NTRK1: variants seen among roughly 807,000 people sequenced by gnomAD.
NTRK1 encodes neurotrophic receptor tyrosine kinase 1.
NTRK1 carries 62 observed loss-of-function variants against 86.8 expected under a neutral mutation model. That is an observed-to-expected ratio of 0.71 (90% CI 0.58 to 0.88). The LOEUF (loss-of-function observed/expected upper bound fraction) is 0.88. NTRK1 is among the 40% of genes least tolerant of loss of function. The pLI, the probability that NTRK1 is intolerant of heterozygous loss-of-function variation, is 0.00. For synonymous variants in NTRK1, 469 were observed against 456.6 expected (o/e 1.03, Z -0.35); for missense variants, 967 against 1,078.4 (o/e 0.90, Z 1.45).
At chr1:156,829,624 A>AC (rs1385997748) in intron 1 of NTRK1, among the ~76,000 whole-genome samples, 3 of 149,942 alleles carry the variant, frequency 2.0e-5, no homozygotes, top group African/African-American at 4.9e-5. Context: ...TCAAGTATCC[A>AC]CCCCCCAGAC....
intron 2 of NTRK1, chr1:156,849,269 C>CG: frequency 6.2e-7 from 1 of 1,613,830 alleles, no homozygotes; most frequent in Non-Finnish European, 8.5e-7. Flanking sequence ...TCCGTTGGTG[C>CG]GGGGGTTGAT....
chr1:156,849,093 T>C, intron 2 of NTRK1: 1 of 1,602,648 alleles, frequency 6.2e-7, no homozygotes, highest in Non-Finnish European at 8.5e-7. Flanking sequence ...TGCCAGCTGC[T>C]TGAGCGCCCA....
Position 156,844,168 on chromosome 1 carries a change from T to C in NTRK1, c.50+1975T>C, listed in dbSNP as rs745658294. 5.6e-6 allele frequency: 9 copies of C among 1,607,802 alleles called. No homozygotes were observed. The East Asian group carries it at 1.6e-4, about 28-fold the overall frequency. On this transcript the variant is annotated intron_variant, in intron 2 of 16. Coordinates refer to the NTRK1 transcript ENST00000392302. The stretch of plus-strand genomic sequence containing the variant: ...AGGGGGTGGGGACCGGTGGGACTTA[T>C]CATCACCTCTTCTTGCCGTAGAAGA...
intron 1 of NTRK1, among the ~76,000 whole-genome samples, chr1:156,826,585 G>A (rs577332752): frequency 6.6e-5 from 10 of 152,130 alleles, no homozygotes; most frequent in Non-Finnish European, 1.3e-4. Flanking sequence ...CACTGTGCCC[G>A]GCTGATCTCT....
intron 1 of NTRK1, among the ~76,000 whole-genome samples, chr1:156,863,896 A>T (rs1201969318): frequency 1.3e-5 from 2 of 152,142 alleles, no homozygotes; most frequent in African/African-American, 4.8e-5. Flanking sequence ...GAGAACACCA[A>T]TCTGAGAATG....
At chr1:156,867,834 T>C (rs1227492893) in intron 4 of NTRK1, among the ~76,000 whole-genome samples, 1 of 151,946 alleles carries the variant, frequency 6.6e-6, no homozygotes, top group Non-Finnish European at 1.5e-5. Context: ...CCACCATGCC[T>C]GGCTAAGTTT....
chr1:156,863,248 TCC>T (rs928005262), intron 1 of NTRK1, among the ~76,000 whole-genome samples: 4 of 152,148 alleles, frequency 2.6e-5, no homozygotes, highest in Non-Finnish European at 5.9e-5. Context: ...TAGCTCTCTG[TCC>T]TTATCTGTCT....
At chr1:156,865,663 C>G (rs1655896568) in intron 3 of NTRK1, among the ~76,000 whole-genome samples, 1 of 152,192 alleles carries the variant, frequency 6.6e-6, no homozygotes, top group African/African-American at 2.4e-5. Context: ...TATTACCCAT[C>G]TGTGGCCTGG....
At position 156,839,747 on chromosome 1, in the gene NTRK1, G is replaced by C. The variant is rs146813261; in HGVS notation, c.-63-2334G>C. 1.1e-3 allele frequency among the ~76,000 whole-genome samples: 166 copies of C among 152,232 alleles called. 1 individual carries two copies. Among genetic ancestry groups the C allele is most frequent in the Admixed American group, 4.1e-3 (62 of 15,294 alleles). On this transcript the variant is annotated intron_variant, in intron 1 of 16. Transcript: ENST00000392302. ...TACCTACCCAGTGGACCGATATAAC[G>C]AACATAACAAGGGGTGAAATTAAGA...
intron 1 of NTRK1, among the ~76,000 whole-genome samples, chr1:156,831,110 A>G (rs567848441): frequency 2.0e-5 from 3 of 152,160 alleles, no homozygotes; most frequent in South Asian, 4.2e-4. Flanking sequence ...CGTCCTAGAG[A>G]GGAGGGGAGG....
At chr1:156,852,174 C>T (rs772262982) in intron 2 of NTRK1, 1 of 1,601,988 alleles carries the variant, frequency 6.2e-7, no homozygotes, top group South Asian at 1.1e-5. Flanking sequence ...CAAGCCATCC[C>T]ATGGGGGCAG....
At chr1:156,826,403 C>G (rs1193341152) in intron 1 of NTRK1, among the ~76,000 whole-genome samples, 1 of 148,548 alleles carries the variant, frequency 6.7e-6, no homozygotes, top group East Asian at 2.1e-4. Context: ...CGGGTTCACG[C>G]CATTCTCCTG....
intron 4 of NTRK1, among the ~76,000 whole-genome samples, chr1:156,867,695 G>A (rs1156688500): frequency 1.3e-5 from 2 of 148,830 alleles, no homozygotes; most frequent in Admixed American, 6.7e-5. Context: ...ATGAGACGGA[G>A]TCTCGCTCTG....
intron 2 of NTRK1, among the ~76,000 whole-genome samples, chr1:156,842,776 T>G (rs1654846522): frequency 6.6e-6 from 1 of 152,174 alleles, no homozygotes; most frequent in African/African-American, 2.4e-5. Flanking sequence ...CACCCAATAT[T>G]GAGCCCCAAT....
intron 1 of NTRK1, chr1:156,841,485 G>C (rs763962327): frequency 1.2e-6 from 2 of 1,614,012 alleles, no homozygotes; most frequent in Non-Finnish European, 8.5e-7. Flanking sequence ...TGGTAGGGTT[G>C]TTCTGCCAGG....
At chr1:156,873,214 T>C (rs910436751) in intron 7 of NTRK1, among the ~76,000 whole-genome samples, 4 of 152,044 alleles carry the variant, frequency 2.6e-5, no homozygotes, top group African/African-American at 7.2e-5. Context: ...GCCTGGCTTT[T>C]CCCCAAAAAT....
chr1:156,881,481 CG>C lies in NTRK1; in HGVS notation c.2231del (p.Arg744LeufsTer76). On this transcript the variant is annotated frameshift_variant, in exon 17 of 17. Transcript: ENST00000524377. LOFTEE classifies it high-confidence loss of function. ...GGCAATCGACTGCATCACGCAGGGA[CG>C]TGAGTTGGAGCGGCCACGTGCCTGC... ...TEAIDCITQG[R>X]ELERPRACPP... The C allele has an allele frequency of 6.3e-7, 1 of 1,581,540 alleles. No homozygotes were observed. The highest frequency in any genetic ancestry group is 8.6e-7 in the Non-Finnish European group (1 of 1,163,784).
upstream of NTRK1, among the ~76,000 whole-genome samples, chr1:156,856,911 A>G (rs551495473): frequency 2.6e-5 from 4 of 152,116 alleles, no homozygotes; most frequent in Admixed American, 2.0e-4. Flanking sequence ...TCCCCACTGC[A>G]GAAGATTCAA....
chr1:156,869,093 A>C (rs1411712192), intron 6 of NTRK1, among the ~76,000 whole-genome samples: 1 of 100,918 alleles, frequency 9.9e-6, no homozygotes, highest in Non-Finnish European at 2.0e-5. Context: ...CCTTCCTTTT[A>C]TGGAGTTTCG....
Sources: allele counts gnomAD v4.1 joint callset (sites outside exome capture counted in the v4.1 genomes callset), GRCh38; gene constraint gnomAD v4.1.1; transcripts MANE v1.5; gene names NCBI Gene and HGNC (gene_info 2026-07-23, HGNC 2026-07-21).